PEAK1: variants seen among roughly 807,000 people sequenced by gnomAD.
PEAK1 encodes pseudopodium enriched atypical kinase 1.
In PEAK1, 54 loss-of-function variants were observed where a neutral mutation model predicts 124.7. That is an observed-to-expected ratio of 0.43 (90% CI 0.35 to 0.54). PEAK1 has a LOEUF of 0.54. Among genes scored for constraint, PEAK1 ranks in the 20% least tolerant of loss-of-function variants. The pLI is 0.01. For synonymous variants in PEAK1, 719 were observed against 760.0 expected (o/e 0.95, Z 0.89); for missense variants, 2,046 against 2,134.5 (o/e 0.96, Z 0.82).
intron 1 of PEAK1, chr15:77,417,883 T>C: frequency 1.0e-6 from 1 of 985,190 alleles, no homozygotes; most frequent in South Asian, 4.7e-5. Flanking sequence ...CACTGCTAGA[T>C]GTTGAAAAAC....
intron 2 of PEAK1, 21 bp from the exon 3 acceptor site, chr15:77,286,525 G>C (rs1330651870): frequency 6.0e-6 from 7 of 1,162,558 alleles, no homozygotes; most frequent in Non-Finnish European, 7.6e-6. Context: ...ATGCAAAGTG[G>C]GGAAGATATA....
chr15:77,131,057 A>C (rs1205698757), intron 9 of PEAK1, among the ~76,000 whole-genome samples: 1 of 152,212 alleles, frequency 6.6e-6, no homozygotes, highest in African/African-American at 2.4e-5. Context: ...GCTACAGTGA[A>C]TGTAACTGGG....
intron 2 of PEAK1, chr15:77,331,126 T>G (rs1197768075): frequency 3.5e-6 from 2 of 570,316 alleles, no homozygotes; most frequent in Non-Finnish European, 4.4e-6. Context: ...ATGTTTAAAA[T>G]TTTTACTTAT....
At chr15:77,121,306 C>T (rs776951757) in intron 9 of PEAK1, among the ~76,000 whole-genome samples, 4 of 152,056 alleles carry the variant, frequency 2.6e-5, no homozygotes, top group Non-Finnish European at 4.4e-5. Context: ...GAGCAAGGCA[C>T]GTAGTACTTG....
At chr15:77,314,364 T>G (rs957118098) in intron 2 of PEAK1, among the ~76,000 whole-genome samples, 3 of 151,938 alleles carry the variant, frequency 2.0e-5, no homozygotes, top group Non-Finnish European at 4.4e-5. Context: ...TATAACCCAT[T>G]ACAATGAATT....
intron 2 of PEAK1, among the ~76,000 whole-genome samples, chr15:77,357,927 C>T (rs923611093): frequency 1.3e-5 from 2 of 152,146 alleles, no homozygotes; most frequent in South Asian, 2.1e-4. Flanking sequence ...CCTCAAATCC[C>T]GTATCTCAGT....
At chr15:77,327,347 C>G (rs2065640814) in intron 2 of PEAK1, among the ~76,000 whole-genome samples, 1 of 151,942 alleles carries the variant, frequency 6.6e-6, no homozygotes, top group South Asian at 2.1e-4. Context: ...TATGTTTAAA[C>G]TGGAATCAGC....
intron 6 of PEAK1, among the ~76,000 whole-genome samples, chr15:77,183,075 T>C (rs944270310): frequency 1.3e-5 from 2 of 152,246 alleles, no homozygotes; most frequent in African/African-American, 2.4e-5. Context: ...ATGTAGCTTA[T>C]TCCTGTTTTT....
chr15:77,282,927 T>TA (rs1369771019), intron 5 of PEAK1, among the ~76,000 whole-genome samples: 2 of 151,914 alleles, frequency 1.3e-5, no homozygotes, highest in Non-Finnish European at 1.5e-5. Flanking sequence ...AAAGTGGCTG[T>TA]AAAAAAAACC....
chr15:77,191,454 G>C (rs2057830087), intron 6 of PEAK1, among the ~76,000 whole-genome samples: 1 of 152,136 alleles, frequency 6.6e-6, no homozygotes. Flanking sequence ...CTATTTCAAT[G>C]GGAACACTGT....
At position 77,180,213 on chromosome 15, in the gene PEAK1, A is replaced by G. The variant is rs1259909863; in HGVS notation, c.1714T>C (p.Ser572Pro). 1 of 1,614,024 alleles carries G rather than the reference A, an allele frequency of 6.2e-7. No homozygotes were observed. Among genetic ancestry groups the G allele is most frequent in the Non-Finnish European group, 8.5e-7 (1 of 1,180,024 alleles). ...GAGGAAATGTTTGTAGCTGTGGGTG[A>G]TGTAGGTGCTGATTTGTGACAGTTT... The part of the protein sequence containing the change: ...RKNCHKSAPT[S>P]PTATNISSKT... Residue 572 changes from serine to proline, a missense_variant, in exon 7 of 10, where the codon TCA becomes CCA. Transcript: ENST00000682557.
intron 1 of PEAK1, among the ~76,000 whole-genome samples, chr15:77,392,171 C>T (rs2070520160): frequency 6.6e-6 from 1 of 152,216 alleles, no homozygotes. Context: ...AGAAGGCATG[C>T]AGAAAATGTT....
At chr15:77,263,783 C>G (rs1048737660) in intron 5 of PEAK1, among the ~76,000 whole-genome samples, 2 of 152,126 alleles carry the variant, frequency 1.3e-5, no homozygotes, top group Non-Finnish European at 2.9e-5. Flanking sequence ...GATACCAAAG[C>G]CTGGCAGAGA....
chr15:77,148,603 C>T (rs1016402882), intron 8 of PEAK1, among the ~76,000 whole-genome samples: 3 of 152,132 alleles, frequency 2.0e-5, no homozygotes, highest in African/African-American at 7.2e-5. Context: ...CATTTTCTGG[C>T]TACCATATCT....
At chr15:77,185,575 T>C (rs34568673) in intron 6 of PEAK1, among the ~76,000 whole-genome samples, 4 of 152,190 alleles carry the variant, frequency 2.6e-5, no homozygotes, top group African/African-American at 9.7e-5. Context: ...TGAGCTCATC[T>C]GTGACCTTAG....
chr15:77,254,285 C>A (rs910621895), intron 5 of PEAK1, among the ~76,000 whole-genome samples: 13 of 152,230 alleles, frequency 8.5e-5, no homozygotes, highest in Non-Finnish European at 1.6e-4. Context: ...ATCCCATATT[C>A]TCCCTTCCTC....
chr15:77,274,133 G>A (rs2062182126), intron 5 of PEAK1, among the ~76,000 whole-genome samples: 1 of 152,084 alleles, frequency 6.6e-6, no homozygotes, highest in Non-Finnish European at 1.5e-5. Flanking sequence ...ACTCGAAATG[G>A]ACCAAAGATT....
At chr15:77,418,083 C>T in intron 1 of PEAK1, 2 of 984,228 alleles carry the variant, frequency 2.0e-6, no homozygotes, top group Non-Finnish European at 1.2e-6. Context: ...AGGGTAGACT[C>T]TTAAAAATGA....
chr15:77,368,751 C>G (rs551940908), intron 1 of PEAK1, among the ~76,000 whole-genome samples: 1 of 152,266 alleles, frequency 6.6e-6, no homozygotes, highest in African/African-American at 2.4e-5. Context: ...ATACTTGTTT[C>G]ATGTTCAGCA....
Sources: allele counts gnomAD v4.1 joint callset (sites outside exome capture counted in the v4.1 genomes callset), GRCh38; gene constraint gnomAD v4.1.1; transcripts MANE v1.5; gene names NCBI Gene and HGNC (gene_info 2026-07-23, HGNC 2026-07-21).